KCNJ15: variants seen among roughly 807,000 people sequenced by gnomAD.
KCNJ15 encodes the protein potassium inwardly rectifying channel subfamily J member 15, also known as ATP-sensitive inward rectifier potassium channel 15.
Under a neutral mutation model 23.0 loss-of-function variants are expected in KCNJ15, and 14 were observed. The observed-to-expected ratio is 0.61, with a 90% CI of 0.40 to 0.95. The LOEUF (loss-of-function observed/expected upper bound fraction) is 0.95, where lower values mean the gene tolerates loss of function less well. Among genes scored for constraint, KCNJ15 ranks in the 40% least tolerant of loss-of-function variants. The pLI is 0.00. For synonymous variants in KCNJ15, 185 were observed against 183.2 expected (o/e 1.01, Z -0.08); for missense variants, 388 against 461.8 (o/e 0.84, Z 1.46).
At chr21:38,277,296 G>A (rs1982819458) in intron 1 of KCNJ15, among the ~76,000 whole-genome samples, 1 of 152,086 alleles carries the variant, frequency 6.6e-6, no homozygotes, top group Non-Finnish European at 1.5e-5. Flanking sequence ...TAAATCCTTG[G>A]ACCTCTTAAA....
At chr21:38,236,092 A>T (rs1290382830) in intron 1 of KCNJ15, among the ~76,000 whole-genome samples, 3 of 152,106 alleles carry the variant, frequency 2.0e-5, no homozygotes, top group Non-Finnish European at 4.4e-5. Context: ...TTTCATCCCA[A>T]TGCTTATATG....
intron 2 of KCNJ15, among the ~76,000 whole-genome samples, chr21:38,297,619 G>A (rs868490007): frequency 2.6e-4 from 39 of 152,174 alleles, no homozygotes; most frequent in African/African-American, 8.7e-4. Flanking sequence ...AACCTTTATT[G>A]TGGTCACTTT....
intron 1 of KCNJ15, among the ~76,000 whole-genome samples, chr21:38,289,083 G>A (rs968955182): frequency 6.6e-6 from 1 of 151,310 alleles, no homozygotes; most frequent in African/African-American, 2.4e-5. Context: ...TATAATCCCA[G>A]CTCCTCGGGA....
chr21:38,246,190 A>G (rs1213167931), intron 1 of KCNJ15, among the ~76,000 whole-genome samples: 1 of 152,230 alleles, frequency 6.6e-6, no homozygotes, highest in African/African-American at 2.4e-5. Flanking sequence ...TGTTATCATC[A>G]GAGCTAAAAC....
At chr21:38,260,672 G>A (rs80303713) in intron 1 of KCNJ15, among the ~76,000 whole-genome samples, 82 of 152,312 alleles carry the variant, frequency 5.4e-4, no homozygotes, top group African/African-American at 1.8e-3. Flanking sequence ...ACAAAGTTTT[G>A]CATTTTGGTA....
In KCNJ15 at chr21:38,301,956, A is replaced by C. The variant is rs1424337341; in HGVS notation, c.*1567A>C. On this transcript the variant is annotated 3_prime_UTR_variant, in exon 3 of 3. Transcript: ENST00000398938. ...GATTCCCCCCACCAAGCACACACACAGTCACACACGCACACACACACACAT... is the reference window on the plus strand; with the variant it reads ...GATTCCCCCCACCAAGCACACACACCGTCACACACGCACACACACACACAT... The C allele has an allele frequency of 4.4e-5, 7 of 159,372 alleles. No homozygotes were observed. Among genetic ancestry groups the C allele is most frequent in the Non-Finnish European group, 5.9e-5 (4 of 68,158 alleles). 9.9% of individuals were successfully genotyped at this position (159,372 alleles called of 1,614,324 possible).
At chr21:38,285,503 T>A (rs950847977) in intron 1 of KCNJ15, 1 of 152,208 alleles carries the variant, frequency 6.6e-6, no homozygotes, top group African/African-American at 2.4e-5. Flanking sequence ...CCTGTGCTCT[T>A]AATCTTTACG....
upstream of KCNJ15, among the ~76,000 whole-genome samples, chr21:38,255,666 A>AG (rs907580998): frequency 2.6e-5 from 4 of 152,070 alleles, no homozygotes; most frequent in East Asian, 1.9e-4. Context: ...CAGCAGGGAG[A>AG]GGGGGGAGAA....
At chr21:38,238,368 C>G in intron 1 of KCNJ15, 1 of 717,530 alleles carries the variant, frequency 1.4e-6, no homozygotes, top group Non-Finnish European at 2.6e-6. Flanking sequence ...ACAGGAAACT[C>G]GAGGGGTCCC....
upstream of KCNJ15, among the ~76,000 whole-genome samples, chr21:38,252,939 G>A (rs1269807597): frequency 6.6e-6 from 1 of 152,178 alleles, no homozygotes; most frequent in Non-Finnish European, 1.5e-5. Context: ...TTGCCCTTGG[G>A]CTATGGGAGC....
chr21:38,302,935 A>G lies in KCNJ15; in HGVS notation c.*2546A>G. 6.6e-6 allele frequency: 1 copy of G among 152,328 alleles called. No homozygotes were observed. Among genetic ancestry groups the G allele is most frequent in the Admixed American group, 6.5e-5 (1 of 15,308 alleles). The allele number at this position is 152,328 out of a possible 1,614,324, so 9.4% of individuals were successfully genotyped here. The stretch of plus-strand genomic sequence containing the variant: ...TATTTTATATTTAGATAATATTGAA[A>G]TCACAGTCTATTAAAATTGGAAATT... On this transcript the variant is annotated 3_prime_UTR_variant, in exon 3 of 3. Transcript: ENST00000398938.
intron 1 of KCNJ15, among the ~76,000 whole-genome samples, chr21:38,248,912 G>T (rs1341050985): frequency 6.6e-6 from 1 of 151,880 alleles, no homozygotes; most frequent in Non-Finnish European, 1.5e-5. Context: ...TCTCCAAACT[G>T]CATAAGGACC....
intron 1 of KCNJ15, among the ~76,000 whole-genome samples, chr21:38,259,882 C>T (rs1448197754): frequency 6.6e-6 from 1 of 152,138 alleles, no homozygotes; most frequent in Non-Finnish European, 1.5e-5. Flanking sequence ...GCCAGTTTTG[C>T]AGACAGGTGA....
rs533753986 is a variant in KCNJ15 at position 38,298,775 on chromosome 21, A to G, written c.-18-469A>G. 7.2e-5 allele frequency among the ~76,000 whole-genome samples: 11 copies of G among 152,348 alleles called. No homozygotes were observed. In the East Asian group the frequency reaches 1.5e-3, roughly 21 times the overall value. ...TCAGTCAAATAATTTTAAATTTTCT[A>G]TAATTGGGAATACATGGTAGCTGAA... On this transcript the variant is annotated intron_variant, in intron 2 of 2. Transcript: ENST00000398938.
At chr21:38,280,163 G>A (rs746617528) in intron 1 of KCNJ15, among the ~76,000 whole-genome samples, 27 of 152,160 alleles carry the variant, frequency 1.8e-4, no homozygotes, top group Non-Finnish European at 3.5e-4. Flanking sequence ...TTCAGAGGAA[G>A]CACCTGTCTA....
At chr21:38,234,766 C>CT (rs1409680977) in intron 1 of KCNJ15, among the ~76,000 whole-genome samples, 1 of 152,170 alleles carries the variant, frequency 6.6e-6, no homozygotes, top group Non-Finnish European at 1.5e-5. Context: ...ATAAAGACAT[C>CT]TTTTTTCAGA....
upstream of KCNJ15, among the ~76,000 whole-genome samples, chr21:38,255,789 C>A (rs931788851): frequency 1.3e-5 from 2 of 152,150 alleles, no homozygotes; most frequent in African/African-American, 4.8e-5. Context: ...GGGTGAATTG[C>A]AGAGCCCAGT....
chr21:38,285,099 C>G (rs751528287), intron 1 of KCNJ15, among the ~76,000 whole-genome samples: 4 of 152,284 alleles, frequency 2.6e-5, no homozygotes, highest in Non-Finnish European at 5.9e-5. Context: ...GTTGAAATGT[C>G]TTTTCACCTT....
intron 1 of KCNJ15, among the ~76,000 whole-genome samples, chr21:38,231,005 G>C (rs1568976312): frequency 6.6e-6 from 1 of 152,000 alleles, no homozygotes; most frequent in Non-Finnish European, 1.5e-5. Context: ...AGATCAATTT[G>C]ATGAGTGTTG....
Sources: allele counts gnomAD v4.1 joint callset (sites outside exome capture counted in the v4.1 genomes callset), GRCh38; gene constraint gnomAD v4.1.1; transcripts MANE v1.5; gene names NCBI Gene and HGNC (gene_info 2026-07-23, HGNC 2026-07-21).